ZAN: variants seen among roughly 807,000 people sequenced by gnomAD.
ZAN encodes zonadhesin (gene/pseudogene).
Under a neutral mutation model 286.2 loss-of-function variants are expected in ZAN, and 260 were observed. The ratio of observed to expected loss-of-function variants is 0.91; its 90% CI spans 0.82 to 1.01. ZAN has a LOEUF of 1.01. Ranked by LOEUF, ZAN falls within the 50% of genes least tolerant of loss-of-function variation. The pLI is 0.00. For synonymous variants in ZAN, 1,368 were observed against 1,417.5 expected (o/e 0.97, Z 0.79); for missense variants, 3,410 against 3,639.2 (o/e 0.94, Z 1.62).
intron 24 of ZAN, 23 bp from the exon 25 acceptor site, chr7:100,766,987 G>T: frequency 6.2e-7 from 1 of 1,611,794 alleles, no homozygotes; most frequent in South Asian, 1.1e-5. Context: ...GTGAGACTGT[G>T]AACTCCATCT....
chr7:100,736,414 C>G, intron 3 of ZAN, 69 bp from the exon 4 acceptor site: 1 of 1,449,772 alleles, frequency 6.9e-7, no homozygotes, highest in Non-Finnish European at 9.6e-7. Context: ...TGCTACTTCC[C>G]TCTCCCTGTG....
Position 100,751,178 on chromosome 7 carries a change from T to G in ZAN, c.1522-4T>G, listed in dbSNP as rs1348297391. The stretch of plus-strand genomic sequence containing the variant: ...TCTCCGTCTCTCTCCCTTGTCGCCT[T>G]TAGCTTATTTTCAAGGGCATCCAGG... On this transcript the variant is annotated splice_region_variant and splice_polypyrimidine_tract_variant and intron_variant, in intron 12 of 47. Coordinates refer to ENST00000613979, the MANE Select transcript of ZAN (RefSeq NM_003386.3). 1.3e-6 allele frequency: 2 copies of G among 1,598,568 alleles called. No individual in the cohort carries two copies. The highest frequency in any genetic ancestry group is 1.7e-6 in the Non-Finnish European group (2 of 1,174,408).
chr7:100,743,512 G>A (rs1035687156), intron 7 of ZAN, among the ~76,000 whole-genome samples: 2 of 152,034 alleles, frequency 1.3e-5, no homozygotes, highest in Non-Finnish European at 2.9e-5. Flanking sequence ...AGCACTGTAG[G>A]TCAAGCATAG....
Position 100,751,231 on chromosome 7 carries a change from T to C in ZAN, c.1571T>C (p.Met524Thr). Residue 524 changes from methionine (M) to threonine (T), a missense_variant, in exon 13 of 48, where the codon ATG becomes ACG. Physicochemically the swap from Met to Thr is moderately conservative, Grantham distance 81. Transcript: ENST00000613979. ...AGCAACACGGCCTCTGTGGTTGCTATGGGTTTCATCTTGATCAATCCTGGG... is the reference window on the plus strand; with the variant it reads ...AGCAACACGGCCTCTGTGGTTGCTACGGGTTTCATCTTGATCAATCCTGGG... Reference protein sequence around the residue: ...QGSNTASVVAMGFILINPGTC... With the variant: ...QGSNTASVVATGFILINPGTC... 1 of 1,609,784 alleles carries C rather than the reference T, an allele frequency of 6.2e-7. No individual in the cohort carries two copies. Among genetic ancestry groups the C allele is most frequent in the Non-Finnish European group, 8.5e-7 (1 of 1,178,304 alleles).
Position 100,786,066 on chromosome 7 carries a change from G to A in ZAN, c.6904G>A (p.Gly2302Arg), listed in dbSNP as rs200555930. 2.4e-5 allele frequency: 38 copies of A among 1,613,882 alleles called. No homozygotes were observed. Among genetic ancestry groups the A allele is most frequent in the Middle Eastern group, 1.6e-4 (1 of 6,084 alleles). ...CVCTGGAIQC[G>R]DFRCPSGSHC... ...CTGCACGGGAGGAGCCATTCAGTGCGGGGACTTCCGATGCCCCTCTGGGTC... is the reference window on the plus strand; with the variant it reads ...CTGCACGGGAGGAGCCATTCAGTGCAGGGACTTCCGATGCCCCTCTGGGTC... Residue 2302 changes from glycine (G) to arginine (R), a missense_variant, in exon 37 of 48, where the codon GGG (glycine) becomes AGG (arginine). By Grantham distance (125) the Gly-to-Arg change is moderately radical (BLOSUM62 -2). Around this residue, in one of 7 missense-constraint regions of ZAN, gnomAD observed 1,289 missense variants for 1,314.3 expected, o/e 0.98. Transcript: ENST00000613979.
intron 20 of ZAN, 65 bp downstream of exon 20, chr7:100,762,423 T>TAAA: frequency 9.6e-7 from 1 of 1,039,132 alleles, no homozygotes; most frequent in Non-Finnish European, 1.2e-6. Context: ...AACTCTCTTT[T>TAAA]TTTTTTTTTT....
rs766074480 is a variant in ZAN, at chr7:100,736,848, G to A, written c.293G>A (p.Arg98His). 117 of 1,482,388 alleles carry A rather than the reference G, an allele frequency of 7.9e-5. 17 individuals are homozygous for A. Among genetic ancestry groups the A allele is most frequent in the East Asian group, 1.4e-4 (6 of 41,808 alleles). The allele number at this position is 1,482,388 out of a possible 1,614,324, so 91.8% of individuals were successfully genotyped here. Residue 98 changes from arginine (R) to histidine (H), a missense_variant, in exon 5 of 48, where the codon CGT (arginine) becomes CAT (histidine). Arg to His is a conservative substitution (Grantham distance 29, BLOSUM62 0). This residue lies in a region of ZAN where 872 missense variants were observed against 938.9 expected (regional missense o/e 0.93). Transcript: ENST00000613979. ...CATATGGAATCGAACAGCTTCCACC[G>A]TGGGGGAGTGGCCCGCCTGCTCAGC... is the stretch of plus-strand genomic sequence containing the variant. ...YLHMESNSFH[R>H]GGVARLLSPD... is the part of the protein sequence containing the mutation.
rs1445557583 is a variant in ZAN, at chr7:100,755,411, G to A, written c.3309+1G>A. The A allele has an allele frequency of 3.1e-6, 5 of 1,612,552 alleles. No homozygotes were observed. Among genetic ancestry groups the A allele is most frequent in the Non-Finnish European group, 4.2e-6 (5 of 1,179,192 alleles). On this transcript the variant is annotated splice_donor_variant, in intron 15 of 47. Transcript: ENST00000613979. LOFTEE classifies it high-confidence loss of function. ...CTTCTACAACAACGACTACTATGAG[G>A]TAAGCCCCCCGGGATGCTGGGGTCC...
intron 40 of ZAN, 80 bp from the exon 41 acceptor site, chr7:100,791,886 C>T: frequency 6.8e-7 from 1 of 1,471,826 alleles, no homozygotes; most frequent in Admixed American, 2.4e-5. Context: ...CACCACCATG[C>T]CCGGCTAATC....
intron 23 of ZAN, 138 bp from the exon 24 acceptor site, chr7:100,766,387 C>A: frequency 1.8e-6 from 2 of 1,112,918 alleles, no homozygotes; most frequent in Non-Finnish European, 1.2e-6. Flanking sequence ...AATCTCGGAG[C>A]TTCAGGAAGA....
chr7:100,753,832 T>TAAAAAAAAAAAAAAAAAAAAAAAAAAA (rs59347418), intron 14 of ZAN, among the ~76,000 whole-genome samples: 1 of 73,176 alleles, frequency 1.4e-5, no homozygotes, highest in Non-Finnish European at 2.5e-5. Flanking sequence ...GACATCGTCC[T>TAAAAAAAAAAAAAAAAAAAAAAAAAAA]AAAAAAAAAA....
intron 7 of ZAN, among the ~76,000 whole-genome samples, chr7:100,743,274 G>C (rs1384607554): frequency 6.6e-6 from 1 of 151,904 alleles, no homozygotes; most frequent in Non-Finnish European, 1.5e-5. Flanking sequence ...CCACCCACTT[G>C]GCCTCCCAAA....
chr7:100,746,977 G>A (rs138363573), intron 8 of ZAN, among the ~76,000 whole-genome samples: 5,212 of 152,204 alleles, frequency 0.034, 133 homozygotes, highest in Middle Eastern at 0.1. Flanking sequence ...CCAGCTACAC[G>A]GGAGGCTGAG....
At chr7:100,748,093 G>T (rs1404200974) in intron 9 of ZAN, 44 bp from the exon 10 acceptor site, 1 of 1,546,908 alleles carries the variant, frequency 6.5e-7, no homozygotes, top group East Asian at 2.2e-5. Flanking sequence ...GCTTGGGGGT[G>T]TGGGCTGTGT....
At chr7:100,755,484 T>C in intron 15 of ZAN, 74 bp downstream of exon 15, 1 of 1,548,806 alleles carries the variant, frequency 6.5e-7, no homozygotes, top group Non-Finnish European at 8.8e-7. Context: ...CTCCATCTGC[T>C]CCCCATGTGA....
intron 9 of ZAN, 129 bp downstream of exon 9, chr7:100,747,770 C>T (rs906941933): frequency 1.3e-5 from 12 of 908,026 alleles, no homozygotes; most frequent in Admixed American, 4.2e-5. Context: ...GAGGGAGGAT[C>T]GCTTCAGGAC....
intron 7 of ZAN, among the ~76,000 whole-genome samples, chr7:100,743,572 TA>T (rs112297502): frequency 0.022 from 3,374 of 152,064 alleles, 43 homozygotes; most frequent in Middle Eastern, 0.044. Context: ...TTTTTGAATT[TA>T]AAAAAATGTT....
Position 100,788,102 on chromosome 7 carries a change from A to G in ZAN, c.7193A>G (p.Tyr2398Cys), listed in dbSNP as rs1811696421. Reference sequence around the variant, plus strand: ...GAAGTGATTACCACCGTCTACGGCTATAAAGTGCAGCTCCAAGCTGGTCTG... The same window carrying G: ...GAAGTGATTACCACCGTCTACGGCTGTAAAGTGCAGCTCCAAGCTGGTCTG... Reference protein sequence around the residue: ...LQEVITTVYGYKVQLQAGLEL... With the variant: ...LQEVITTVYGCKVQLQAGLEL... The change falls in exon 38 of 48, where the codon TAT (tyrosine) becomes TGT (cysteine). Residue 2398 changes from tyrosine to cysteine, a missense_variant. Coordinates refer to ENST00000613979, the MANE Select transcript of ZAN (RefSeq NM_003386.3). The G allele has an allele frequency of 6.4e-7, 1 of 1,553,886 alleles. No individual in the cohort carries two copies. The highest frequency in any genetic ancestry group is 8.8e-7 in the Non-Finnish European group (1 of 1,140,380).
intron 22 of ZAN, among the ~76,000 whole-genome samples, chr7:100,764,565 C>T (rs1168398228): frequency 2.0e-5 from 3 of 147,478 alleles, no homozygotes; most frequent in Non-Finnish European, 4.4e-5. Flanking sequence ...CAACGGGTAC[C>T]TGTAATCCCA....
Sources: gnomAD v4.1 joint callset for allele counts (sites outside exome capture counted in the v4.1 genomes callset) on GRCh38, gnomAD v4.1.1 for gene constraint, gnomAD v4.1.1 regional missense constraint, MANE v1.5 for transcripts, NCBI Gene and HGNC (gene_info 2026-07-23, HGNC 2026-07-21) for gene names.